Variants in WDFY4 observed in about 807,000 individuals in gnomAD.
WDFY4 encodes the protein WD repeat- and FYVE domain-containing protein 4.
WDFY4 carries 169 observed loss-of-function variants against 351.9 expected under a neutral mutation model. The observed-to-expected ratio is 0.48, with a 90% CI of 0.42 to 0.55. The LOEUF is 0.55. WDFY4 is among the 20% of genes least tolerant of loss of function. The pLI, the probability that WDFY4 is intolerant of heterozygous loss-of-function variation, is 0.00. For missense variants in WDFY4, 3,803 were observed against 3,935.6 expected, an observed-to-expected ratio of 0.97 and a Z score of 0.90; for synonymous variants, 1,622 against 1,574.6, an observed-to-expected ratio of 1.03 and a Z score of -0.71.
intron 47 of WDFY4, among the ~76,000 whole-genome samples, chr10:48,914,611 C>T (rs2133515038): frequency 6.6e-6 from 1 of 152,252 alleles, no homozygotes; most frequent in Non-Finnish European, 1.5e-5. Flanking sequence ...CTAGGATTTC[C>T]TGAAGTTTTC....
At chr10:48,745,858 G>A in intron 12 of WDFY4, 1 of 320,100 alleles carries the variant, frequency 3.1e-6, no homozygotes, top group Non-Finnish European at 5.9e-6. Context: ...GCCTGGCCTC[G>A]CTGGGCCTTG....
At chr10:48,790,686 G>A in intron 22 of WDFY4, 41 bp from the exon 23 acceptor site, 2 of 1,539,454 alleles carry the variant, frequency 1.3e-6, no homozygotes, top group Non-Finnish European at 1.8e-6. Flanking sequence ...TTGCAATGAA[G>A]CTGTGACATG....
At chr10:48,955,536 A>T (rs1019627759) in intron 51 of WDFY4, among the ~76,000 whole-genome samples, 1 of 152,222 alleles carries the variant, frequency 6.6e-6, no homozygotes, top group African/African-American at 2.4e-5. Flanking sequence ...GGAATCTGGC[A>T]TGGGGCAAAG....
At chr10:48,881,248 G>T (rs1016621690) in intron 43 of WDFY4, among the ~76,000 whole-genome samples, 4 of 152,250 alleles carry the variant, frequency 2.6e-5, no homozygotes, top group Non-Finnish European at 5.9e-5. Flanking sequence ...GAAGAACCCT[G>T]GTACCTATGG....
rs146544814 is a variant in WDFY4 at position 48,710,428 on chromosome 10, C to A, written c.234+462C>A. On this transcript the variant is annotated intron_variant, in intron 2 of 61. Transcript: ENST00000325239. The stretch of plus-strand genomic sequence containing the variant: ...TATATGAATTTTGGGGAGACCCTAG[C>A]GAGAGTGTCATGCCAAAGATGACAA... Among the ~76,000 whole-genome samples, 186 of 152,192 alleles carry A rather than the reference C, an allele frequency of 1.2e-3. 2 individuals carry two copies. Among genetic ancestry groups the A allele is most frequent in the African/African-American group, 4.3e-3 (179 of 41,532 alleles).
chr10:48,950,226 G>A (rs987469641), intron 51 of WDFY4, among the ~76,000 whole-genome samples: 1 of 152,048 alleles, frequency 6.6e-6, no homozygotes, highest in African/African-American at 2.4e-5. Flanking sequence ...ACAGCACCCA[G>A]CAACCACTGT....
At chr10:48,913,303 G>A in intron 47 of WDFY4, 1 of 1,238,874 alleles carries the variant, frequency 8.1e-7, no homozygotes, top group Non-Finnish European at 1.1e-6. Flanking sequence ...CAGCCACAGG[G>A]GAGCCCTTGG....
intron 44 of WDFY4, among the ~76,000 whole-genome samples, chr10:48,892,126 G>A (rs755475772): frequency 2.0e-5 from 3 of 152,208 alleles, no homozygotes; most frequent in African/African-American, 4.8e-5. Flanking sequence ...GCCTGCAGCC[G>A]TGCCTCTCTG....
intron 51 of WDFY4, 57 bp downstream of exon 51, chr10:48,947,026 C>T: frequency 8.1e-7 from 1 of 1,229,178 alleles, no homozygotes. Context: ...ACACATACGC[C>T]TGTATCACAA....
chr10:48,789,717 C>G (rs2066614318), intron 21 of WDFY4, among the ~76,000 whole-genome samples, 157 bp from the exon 22 acceptor site: 1 of 152,328 alleles, frequency 6.6e-6, no homozygotes, highest in Admixed American at 6.5e-5. Context: ...GGCTTCAATC[C>G]CCTGACATTG....
chr10:48,856,143 T>C (rs567918186), intron 39 of WDFY4, among the ~76,000 whole-genome samples: 1 of 152,272 alleles, frequency 6.6e-6, no homozygotes, highest in South Asian at 2.1e-4. Context: ...ATTGCTGAGT[T>C]CTTATATCTG....
At chr10:48,873,223 A>G (rs2069853205) in intron 40 of WDFY4, among the ~76,000 whole-genome samples, 1 of 152,244 alleles carries the variant, frequency 6.6e-6, no homozygotes. Context: ...CTTTCTGTCC[A>G]TCACCAGTAG....
intron 1 of WDFY4, among the ~76,000 whole-genome samples, chr10:48,685,296 T>G (rs1306243271): frequency 6.6e-6 from 1 of 152,052 alleles, no homozygotes; most frequent in Non-Finnish European, 1.5e-5. Flanking sequence ...CTCCTCGACC[T>G]CTGACGGTAG....
intron 1 of WDFY4, among the ~76,000 whole-genome samples, chr10:48,687,353 T>G (rs908829915): frequency 6.6e-6 from 1 of 152,188 alleles, no homozygotes; most frequent in African/African-American, 2.4e-5. Context: ...TTTCTTAGTT[T>G]CAAATAAGTT....
rs2067450534 is a variant in WDFY4, at chr10:48,811,648, C to T, written c.5154C>T (p.Tyr1718=). Residue 1718 remains tyrosine (Y), a synonymous_variant, in exon 30 of 62, where the codon TAC becomes TAT. Coordinates refer to ENST00000325239, the MANE Select transcript of WDFY4 (RefSeq NM_001394531.1). Reference sequence around the variant, plus strand: ...ACCACGTCCACATTCCAGAGGTCTACCTCATCGTCTCCACCTTCTTCCTGC... The same window carrying T: ...ACCACGTCCACATTCCAGAGGTCTATCTCATCGTCTCCACCTTCTTCCTGC... ...LAHHVHIPEV[Y]LIVSTFFLQT... is the part of the protein sequence containing the mutation. The T allele has an allele frequency of 6.4e-7, 1 of 1,551,890 alleles. No individual in the cohort carries two copies. The highest frequency in any genetic ancestry group is 8.7e-7 in the Non-Finnish European group (1 of 1,147,048).
intron 2 of WDFY4, among the ~76,000 whole-genome samples, chr10:48,714,145 C>T (rs2063835767): frequency 6.6e-6 from 1 of 152,232 alleles, no homozygotes; most frequent in East Asian, 1.9e-4. Flanking sequence ...GCCAAAGTCA[C>T]CCAATTGTCA....
At chr10:48,924,579 TAA>T (rs1839410662) in intron 47 of WDFY4, among the ~76,000 whole-genome samples, 1 of 152,250 alleles carries the variant, frequency 6.6e-6, no homozygotes, top group Non-Finnish European at 1.5e-5. Flanking sequence ...AGCTCAAATA[TAA>T]GAGGTTTCTA....
chr10:48,790,664 G>A (rs41282007), intron 22 of WDFY4, 63 bp from the exon 23 acceptor site: 2 of 1,515,576 alleles, frequency 1.3e-6, no homozygotes, highest in Non-Finnish European at 8.9e-7. Context: ...TGTGCTGTCG[G>A]GGAATTTCCC....
At chr10:48,800,730 C>CTTTCTTTCTTTCTT (rs1555016198) in intron 24 of WDFY4, among the ~76,000 whole-genome samples, 1 of 92,810 alleles carries the variant, frequency 1.1e-5, no homozygotes, top group African/African-American at 4.7e-5. Flanking sequence ...TTCATTCTTT[C>CTTTCTTTCTTTCTT]TTTTTTTTTT....
Sources: allele counts gnomAD v4.1 joint callset (sites outside exome capture counted in the v4.1 genomes callset), GRCh38; gene constraint gnomAD v4.1.1; transcripts MANE v1.5; gene names NCBI Gene and HGNC (gene_info 2026-07-23, HGNC 2026-07-21).